Variants in LONRF2 observed in about 807,000 individuals in gnomAD.
LONRF2 encodes the protein LON peptidase N-terminal domain and ring finger 2, also known as LON peptidase N-terminal domain and RING finger protein 2.
LONRF2 carries 35 observed loss-of-function variants against 66.6 expected under a neutral mutation model. The ratio of observed to expected loss-of-function variants is 0.53; its 90% CI spans 0.40 to 0.70. The LOEUF is 0.70. Ranked by LOEUF, LONRF2 falls within the 30% of genes least tolerant of loss-of-function variation. The pLI, the probability that LONRF2 is intolerant of heterozygous loss-of-function variation, is 0.00. For synonymous variants in LONRF2, 417 were observed against 418.1 expected (o/e 1.00, Z 0.03); for missense variants, 902 against 1,002.1 (o/e 0.90, Z 1.35).
chr2:100,320,043 A>G (rs1675589010), intron 1 of LONRF2, among the ~76,000 whole-genome samples: 2 of 152,256 alleles, frequency 1.3e-5, no homozygotes, highest in Admixed American at 1.3e-4. Context: ...GTAGTGCAGT[A>G]AATGCAAAAT....
Position 100,298,844 on chromosome 2 carries a change from G to T in LONRF2, c.1468C>A (p.Leu490Ile). ...TCCTAAAGTGTACTTACTTCCGAAA[G>T]TTTGTCTTTGCACAAAGGACAGTGT... ...APHCPLCKDK[L>I]SELLASRNFN... The change falls in exon 7 of 12, where the codon CTT becomes ATT. Residue 490 changes from leucine to isoleucine, a missense_variant. By Grantham distance (5) the Leu-to-Ile change is conservative (BLOSUM62 2). Coordinates refer to ENST00000393437, the MANE Select transcript of LONRF2 (RefSeq NM_198461.4). The T allele has an allele frequency of 6.2e-7, 1 of 1,613,420 alleles. No individual in the cohort carries two copies. The highest frequency in any genetic ancestry group is 8.5e-7 in the Non-Finnish European group (1 of 1,179,338).
rs999186904 is a variant in LONRF2 at position 100,275,527 on chromosome 2, C to T, written c.*8771G>A. 2.0e-5 allele frequency: 3 copies of T among 152,204 alleles called. No individual in the cohort carries two copies. The highest frequency in any genetic ancestry group is 7.2e-5 in the African/African-American group (3 of 41,444). 9.4% of individuals were successfully genotyped at this position (152,204 alleles called of 1,614,324 possible). On this transcript the variant is annotated 3_prime_UTR_variant, in exon 12 of 12. Coordinates refer to ENST00000393437, the MANE Select transcript of LONRF2 (RefSeq NM_198461.4). ...CGGCCATGCGGCCGGTGAGAGGCAC[C>T]CTCCTCACAGAAATGACAGCCGCCA... is the stretch of plus-strand genomic sequence containing the variant.
chr2:100,291,689 G>C (rs974441430), intron 9 of LONRF2, among the ~76,000 whole-genome samples: 1 of 151,924 alleles, frequency 6.6e-6, no homozygotes, highest in Non-Finnish European at 1.5e-5. Context: ...TAATGCTTCT[G>C]CTCTCCTGAA....
At chr2:100,313,748 G>T (rs1675452161) in intron 1 of LONRF2, among the ~76,000 whole-genome samples, 1 of 152,014 alleles carries the variant, frequency 6.6e-6, no homozygotes, top group South Asian at 2.1e-4. Flanking sequence ...CACTCAGTGT[G>T]CCCCTCCTAA....
chr2:100,303,187 C>T, intron 2 of LONRF2, 144 bp from the exon 3 acceptor site: 1 of 824,718 alleles, frequency 1.2e-6, no homozygotes, highest in African/African-American at 1.7e-5. Context: ...CAAAGGATGA[C>T]TCTATCGCTA....
intron 1 of LONRF2, 74 bp downstream of exon 1, chr2:100,321,341 A>C: frequency 7.9e-7 from 1 of 1,272,300 alleles, no homozygotes; most frequent in East Asian, 3.2e-5. Flanking sequence ...CCTCGGGCCC[A>C]CCGGCCAGCT....
At position 100,279,133 on chromosome 2, in the gene LONRF2, A is replaced by T. The variant is rs1573104515; in HGVS notation, c.*5165T>A. 6.6e-6 allele frequency: 1 copy of T among 151,800 alleles called. No homozygotes were observed. The highest frequency in any genetic ancestry group is 1.5e-5 in the Non-Finnish European group (1 of 68,056). 9.4% of individuals were successfully genotyped at this position (151,800 alleles called of 1,614,324 possible). On this transcript the variant is annotated 3_prime_UTR_variant, in exon 12 of 12. Transcript: ENST00000393437. ...CCGCGACTTCCTGTCCTGGGTCTCCACAGCCACTCCCTCCCTGTGGTGACA... is the reference window on the plus strand; with the variant it reads ...CCGCGACTTCCTGTCCTGGGTCTCCTCAGCCACTCCCTCCCTGTGGTGACA...
At chr2:100,307,433 A>C (rs1008779659) in intron 2 of LONRF2, among the ~76,000 whole-genome samples, 1 of 152,202 alleles carries the variant, frequency 6.6e-6, no homozygotes, top group African/African-American at 2.4e-5. Context: ...TGAGAGTCAC[A>C]CTGTCAAGTT....
At chr2:100,306,893 ACTTTTTTTTTTTTTTGAGGTGGAGTCTCG>A (rs1675302832) in intron 2 of LONRF2, among the ~76,000 whole-genome samples, 1 of 97,236 alleles carries the variant, frequency 1.0e-5, no homozygotes, top group South Asian at 3.1e-4. Flanking sequence ...TCTTAAACTT[ACTTTTTTTTTTTTTTGAGGTGGAGTCTCG>A]CTCTTTTTTT....
rs368937635 is a variant in LONRF2, at chr2:100,275,299, C to G, written c.*8999G>C. ...TTGGCTGGTGGTCTCAGGGCAATGA[C>G]GGTAGCTCCCTCCACAAGGAGCAAG... is the stretch of plus-strand genomic sequence containing the variant. On this transcript the variant is annotated 3_prime_UTR_variant, in exon 12 of 12. Transcript: ENST00000393437. The G allele has an allele frequency of 6.6e-6, 1 of 152,370 alleles. No individual in the cohort carries two copies. Among genetic ancestry groups the G allele is most frequent in the South Asian group, 2.1e-4 (1 of 4,830 alleles). 9.4% of individuals were successfully genotyped at this position (152,370 alleles called of 1,614,324 possible).
At position 100,272,178 on chromosome 2, in the gene LONRF2, G is replaced by A. The variant is rs1370576581; in HGVS notation, c.*12120C>T. Reference sequence around the variant, plus strand: ...ATTCTCTCTTTAGTAACCAACACAAGATTGTCCTAAGAAGAAAAAGATGAT... The same window carrying A: ...ATTCTCTCTTTAGTAACCAACACAAAATTGTCCTAAGAAGAAAAAGATGAT... On this transcript the variant is annotated 3_prime_UTR_variant, in exon 12 of 12. Transcript: ENST00000393437. 6.6e-6 allele frequency among the ~76,000 whole-genome samples: 1 copy of A among 152,186 alleles called. No individual in the cohort carries two copies. Among genetic ancestry groups the A allele is most frequent in the Non-Finnish European group, 1.5e-5 (1 of 68,034 alleles).
Position 100,304,674 on chromosome 2 carries a change from C to T in LONRF2, c.799-1631G>A, listed in dbSNP as rs1946799. On this transcript the variant is annotated intron_variant, in intron 2 of 11. Coordinates refer to ENST00000393437, the MANE Select transcript of LONRF2 (RefSeq NM_198461.4). ...AGTCTTGCTCGCTCGTCCAGGCTGG[C>T]GTGCAGTGGTACAATCATGGCTCAT... 3.5e-5 allele frequency among the ~76,000 whole-genome samples: 5 copies of T among 144,780 alleles called. No individual in the cohort carries two copies. The South Asian group carries it at 8.9e-4, about 26-fold the overall frequency. The allele number at this position is 144,780 out of a possible 152,430, so 95.0% of individuals were successfully genotyped here. A position where few individuals can be genotyped will look rare whatever the true frequency, so the allele number is the denominator to read the frequency against.
rs1674509042 is a variant in LONRF2 at position 100,271,957 on chromosome 2, A to C, written c.*12341T>G. ...TTCATCCAACAGTGCTGAAGGAGTT[A>C]AGATTAGTCACTGCATGAGGAAGCG... On this transcript the variant is annotated 3_prime_UTR_variant, in exon 12 of 12. Transcript: ENST00000393437. 6.6e-6 allele frequency among the ~76,000 whole-genome samples: 1 copy of C among 152,218 alleles called. No individual in the cohort carries two copies. The highest frequency in any genetic ancestry group is 2.1e-4 in the South Asian group (1 of 4,834).
rs771452308 is a variant in LONRF2 at position 100,290,252 on chromosome 2, C to T, written c.1920+6G>A. ...CTATAAAATACACCAGTATGATAAG[C>T]CTTACCTTTTCATCTTCAAGATATT... On this transcript the variant is annotated splice_donor_region_variant and intron_variant, in intron 10 of 11. Transcript: ENST00000393437. The T allele has an allele frequency of 5.0e-6, 8 of 1,610,866 alleles. No individual in the cohort carries two copies. The South Asian group carries it at 8.9e-5, about 18-fold the overall frequency.
At chr2:100,319,062 G>C (rs1436925072) in intron 1 of LONRF2, among the ~76,000 whole-genome samples, 1 of 150,760 alleles carries the variant, frequency 6.6e-6, no homozygotes, top group Non-Finnish European at 1.5e-5. Flanking sequence ...CCAGGGAGTC[G>C]GAGGTTGTAG....
intron 7 of LONRF2, among the ~76,000 whole-genome samples, chr2:100,298,018 T>C (rs1675107056): frequency 6.6e-6 from 1 of 152,236 alleles, no homozygotes; most frequent in African/African-American, 2.4e-5. Context: ...TTAAAATGCA[T>C]TCAATAAGTT....
chr2:100,287,577 A>G (rs1197139460), intron 10 of LONRF2, among the ~76,000 whole-genome samples: 1 of 152,190 alleles, frequency 6.6e-6, no homozygotes, highest in Non-Finnish European at 1.5e-5. Context: ...TCACCAAACT[A>G]TATTCCTAAA....
At chr2:100,303,826 C>G (rs1179009124) in intron 2 of LONRF2, among the ~76,000 whole-genome samples, 1 of 152,054 alleles carries the variant, frequency 6.6e-6, no homozygotes, top group East Asian at 1.9e-4. Flanking sequence ...TTGAGTTAAC[C>G]TTCTTGGATC....
At position 100,299,309 on chromosome 2, in the gene LONRF2, A is replaced by C. The variant is rs756659695; in HGVS notation, c.1278T>G (p.Leu426=). The change falls in exon 6 of 12, where the codon CTT becomes CTG. Residue 426 remains leucine, a synonymous_variant. Transcript: ENST00000393437. ...CTGTCTCAGAGTTTGGGCTCCTTTG[A>C]AGTGAGAGATCTGAATGCGAAAAAA... is the stretch of plus-strand genomic sequence containing the variant. The part of the protein sequence containing the change: ...PGKIPKKDLS[L]QRSPNSETEE... 1.0e-5 allele frequency: 16 copies of C among 1,574,286 alleles called. No homozygotes were observed. The East Asian group carries it at 2.7e-4, about 27-fold the overall frequency.
Sources: allele counts gnomAD v4.1 joint callset (sites outside exome capture counted in the v4.1 genomes callset), GRCh38; gene constraint gnomAD v4.1.1; transcripts MANE v1.5; gene names NCBI Gene and HGNC (gene_info 2026-07-23, HGNC 2026-07-21).